ENPEP: variants seen among roughly 807,000 people sequenced by gnomAD.
ENPEP encodes glutamyl aminopeptidase.
ENPEP carries 103 observed loss-of-function variants against 114.5 expected under a neutral mutation model. That is an observed-to-expected ratio of 0.90 (90% confidence interval 0.77 to 1.06). The LOEUF (loss-of-function observed/expected upper bound fraction) is 1.06, where lower values mean the gene tolerates loss of function less well. Among genes scored for constraint, ENPEP ranks in the 50% least tolerant of loss-of-function variants. The pLI, the probability that ENPEP is intolerant of heterozygous loss-of-function variation, is 0.00. For missense variants in ENPEP, 1,196 were observed against 1,161.3 expected, an observed-to-expected ratio of 1.03 and a Z score of -0.43; for synonymous variants, 420 against 422.0, an observed-to-expected ratio of 1.00 and a Z score of 0.06.
rs1035715384 is a variant in ENPEP at position 110,506,765 on chromosome 4, T to A, written c.1039+8T>A. The A allele has an allele frequency of 2.0e-6, 3 of 1,522,632 alleles. No individual in the cohort carries two copies. The Admixed American group carries it at 5.9e-5, about 30-fold the overall frequency. The allele number at this position is 1,522,632 out of a possible 1,614,324, so 94.3% of individuals were successfully genotyped here. A position where few individuals can be genotyped will look rare whatever the true frequency, so the allele number is the denominator to read the frequency against. ...ATTCTCTTCCTAAATTAGGTGAGGATCATTTTTTAATTTTCTTATTTTTAA... is the reference window on the plus strand; with the variant it reads ...ATTCTCTTCCTAAATTAGGTGAGGAACATTTTTTAATTTTCTTATTTTTAA... On this transcript the variant is annotated splice_region_variant and intron_variant, in intron 4 of 19. Transcript: ENST00000265162.
At chr4:110,496,592 A>G (rs2110342403) in intron 3 of ENPEP, among the ~76,000 whole-genome samples, 1 of 152,334 alleles carries the variant, frequency 6.6e-6, no homozygotes, top group East Asian at 1.9e-4. Flanking sequence ...CATCTACATT[A>G]TACTTAGCAA....
intron 1 of ENPEP, among the ~76,000 whole-genome samples, chr4:110,479,497 C>T (rs1307876243): frequency 6.6e-6 from 1 of 152,064 alleles, no homozygotes; most frequent in Non-Finnish European, 1.5e-5. Context: ...TGTGTACATG[C>T]ATATACATAT....
At chr4:110,515,347 G>C (rs1233043683) in intron 7 of ENPEP, 30 bp from the exon 8 acceptor site, 7 of 1,575,660 alleles carry the variant, frequency 4.4e-6, no homozygotes, top group Non-Finnish European at 6.1e-6. Flanking sequence ...GCCTTTATTA[G>C]TTTCATTTGT....
chr4:110,482,336 A>G (rs1724340421), intron 1 of ENPEP, among the ~76,000 whole-genome samples: 1 of 152,250 alleles, frequency 6.6e-6, no homozygotes, highest in African/African-American at 2.4e-5. Context: ...AGGATACCCC[A>G]GCTAGCCTTC....
At chr4:110,560,674 C>T (rs1727647307) in intron 19 of ENPEP, among the ~76,000 whole-genome samples, 1 of 152,118 alleles carries the variant, frequency 6.6e-6, no homozygotes, top group Admixed American at 6.5e-5. Context: ...AACTCTGGAA[C>T]AAGTTGGTCA....
intron 14 of ENPEP, among the ~76,000 whole-genome samples, chr4:110,548,632 G>A (rs1727169059): frequency 6.6e-6 from 1 of 151,950 alleles, no homozygotes; most frequent in African/African-American, 2.4e-5. Context: ...ATACTAATTA[G>A]ATCTTTTTTA....
chr4:110,542,669 C>CT (rs1726891964), intron 11 of ENPEP, 82 bp from the exon 12 acceptor site: 1 of 1,334,548 alleles, frequency 7.5e-7, no homozygotes, highest in Admixed American at 2.5e-5. Context: ...CTTTTATTTT[C>CT]TTTTTGCCCT....
intron 2 of ENPEP, among the ~76,000 whole-genome samples, chr4:110,490,467 C>G (rs1724664316): frequency 6.6e-6 from 1 of 152,188 alleles, no homozygotes; most frequent in Non-Finnish European, 1.5e-5. Flanking sequence ...ACAGTGAGGA[C>G]AGCAGAGCTG....
chr4:110,526,748 G>C (rs929916480), intron 10 of ENPEP, among the ~76,000 whole-genome samples: 1 of 152,194 alleles, frequency 6.6e-6, no homozygotes. Flanking sequence ...GAGGAGTGGA[G>C]GCAGGGAGAC....
intron 1 of ENPEP, 80 bp from the exon 2 acceptor site, chr4:110,488,461 T>A: frequency 7.1e-7 from 1 of 1,416,558 alleles, no homozygotes; most frequent in Non-Finnish European, 9.2e-7. Context: ...AGCTGATTTT[T>A]TTTTCCCCTA....
chr4:110,533,433 A>G (rs1726481924), intron 11 of ENPEP: 1 of 154,428 alleles, frequency 6.5e-6, no homozygotes, highest in Non-Finnish European at 1.4e-5. Flanking sequence ...AAAAAAAAAA[A>G]AAAAGCAATC....
intron 1 of ENPEP, among the ~76,000 whole-genome samples, chr4:110,477,511 C>A (rs1724156411): frequency 6.6e-6 from 1 of 151,668 alleles, no homozygotes; most frequent in Non-Finnish European, 1.5e-5. Context: ...TTATTTTGTC[C>A]ATTTTTTTTT....
At chr4:110,530,531 T>C (rs1202061237) in intron 10 of ENPEP, among the ~76,000 whole-genome samples, 1 of 152,080 alleles carries the variant, frequency 6.6e-6, no homozygotes, top group African/African-American at 2.4e-5. Context: ...GACAAAACTG[T>C]TAAGTGTATA....
At chr4:110,544,637 T>C (rs1045966840) in intron 13 of ENPEP, among the ~76,000 whole-genome samples, 1 of 152,152 alleles carries the variant, frequency 6.6e-6, no homozygotes, top group African/African-American at 2.4e-5. Context: ...ATTTAGTTTT[T>C]ATTTTTAAAT....
rs774758959 is a variant in ENPEP, at chr4:110,520,071, G to T, written c.1573G>T (p.Glu525Ter). The change falls in exon 9 of 20, where the codon GAG (glutamate) becomes TAG (stop). Residue 525 changes from glutamate (E) to a stop codon, truncating the protein, a stop_gained and splice_region_variant. Transcript: ENST00000265162. LOFTEE classifies it high-confidence loss of function. ...TTCTGATTTTTGGGCAGCACTGGAAGAGGTAAGGAAGAGTATATGTCCCCA... is the reference window on the plus strand; with the variant it reads ...TTCTGATTTTTGGGCAGCACTGGAATAGGTAAGGAAGAGTATATGTCCCCA... ...KTSDFWAALE[E>*]ASRLPVKEVM... The T allele has an allele frequency of 6.2e-7, 1 of 1,613,932 alleles. No individual in the cohort carries two copies. The highest frequency in any genetic ancestry group is 1.1e-5 in the South Asian group (1 of 91,062).
rs1727777022 is a variant in ENPEP, at chr4:110,564,856, A to T, written c.*3298A>T. On this transcript the variant is annotated 3_prime_UTR_variant, in exon 20 of 20. Transcript: ENST00000265162. The stretch of plus-strand genomic sequence containing the variant: ...TGTTCTCCGTGTTTCTTCTGCTCCT[A>T]GATGCAGCAGTATTCCAGATAGAGG... The T allele has an allele frequency of 6.6e-6, 1 of 152,180 alleles. No homozygotes were observed. The highest frequency in any genetic ancestry group is 2.1e-4 in the South Asian group (1 of 4,824). 9.4% of individuals were successfully genotyped at this position (152,180 alleles called of 1,614,324 possible).
At chr4:110,535,995 T>C (rs1726605440) in intron 11 of ENPEP, among the ~76,000 whole-genome samples, 1 of 151,284 alleles carries the variant, frequency 6.6e-6, no homozygotes, top group Non-Finnish European at 1.5e-5. Context: ...TAATGCCAGC[T>C]ACTCGGGAGG....
chr4:110,502,158 G>A (rs11938659), intron 3 of ENPEP, among the ~76,000 whole-genome samples: 44,616 of 151,982 alleles, frequency 0.29, 6,867 homozygotes, highest in Non-Finnish European at 0.33. Context: ...GCTGATTTAA[G>A]TTCTTTACAG....
In ENPEP at chr4:110,504,724, C is replaced by G. The variant is rs567526678; in HGVS notation, c.919-1913C>G. 2.3e-4 allele frequency among the ~76,000 whole-genome samples: 35 copies of G among 152,268 alleles called. 1 individual carries two copies. In the South Asian group the frequency reaches 7.3e-3, roughly 32 times the overall value. On this transcript the variant is annotated intron_variant, in intron 3 of 19. Coordinates refer to ENST00000265162, the MANE Select transcript of ENPEP (RefSeq NM_001977.4). ...TTCTTTAAACACTGCCTTCCACTGT[C>G]ACCAACAGAAATACAAAAAAAGAAA...
Sources: allele counts gnomAD v4.1 joint callset (sites outside exome capture counted in the v4.1 genomes callset), GRCh38; gene constraint gnomAD v4.1.1; transcripts MANE v1.5; gene names NCBI Gene and HGNC (gene_info 2026-07-23, HGNC 2026-07-21).